The following GRIK3 variants were observed in gnomAD, a reference collection of about 807,000 sequenced individuals.
The protein encoded by GRIK3 is glutamate receptor ionotropic, kainate 3.
In GRIK3, 29 loss-of-function variants were observed where a neutral mutation model predicts 102.5. The observed-to-expected ratio is 0.28, with a 90% CI of 0.21 to 0.39. The LOEUF is 0.39. Ranked by LOEUF, GRIK3 falls within the 10% of genes least tolerant of loss-of-function variation. The pLI, the probability that GRIK3 is intolerant of heterozygous loss-of-function variation, is 1.00. For synonymous variants in GRIK3, 511 were observed against 504.9 expected (o/e 1.01, Z -0.16); for missense variants, 908 against 1,252.4 (o/e 0.73, Z 4.15).
At chr1:36,901,745 G>A (rs1044700518) in intron 1 of GRIK3, among the ~76,000 whole-genome samples, 1 of 152,110 alleles carries the variant, frequency 6.6e-6, no homozygotes, top group Non-Finnish European at 1.5e-5. Context: ...AAAAGGAAAC[G>A]AAAGAAATTC....
chr1:36,954,699 A>T, intron 1 of GRIK3, among the ~76,000 whole-genome samples: 1 of 151,958 alleles, frequency 6.6e-6, no homozygotes, highest in East Asian at 1.9e-4. Flanking sequence ...ATATGCATAC[A>T]CAGGTCCACA....
chr1:37,029,836 G>A (rs1213896249), intron 1 of GRIK3, among the ~76,000 whole-genome samples: 1 of 152,320 alleles, frequency 6.6e-6, no homozygotes. Flanking sequence ...CGGGGATAAA[G>A]AGCCATCCTG....
At chr1:37,020,730 C>A (rs1642701534) in intron 1 of GRIK3, among the ~76,000 whole-genome samples, 2 of 151,848 alleles carry the variant, frequency 1.3e-5, no homozygotes, top group Admixed American at 6.6e-5. Context: ...TTCTTACTAG[C>A]CTACCAGAGT....
Position 36,806,207 on chromosome 1 carries a change from G to A in GRIK3, c.2211C>T (p.Leu737=). 3 of 1,614,126 alleles carry A rather than the reference G, an allele frequency of 1.9e-6. No homozygotes were observed. The highest frequency in any genetic ancestry group is 1.7e-6 in the Non-Finnish European group (2 of 1,179,958). ...CGTACTCGATGGTGGTGGACTCCAT[G>A]AGCAGCGCGTAGTCGGCCGTCAGGG... The part of the protein sequence containing the change: ...QRALTADYAL[L]MESTTIEYVT... Residue 737 remains leucine, a synonymous_variant, in exon 14 of 16, where the codon CTC becomes CTT. Transcript: ENST00000373091. This position sits in a 1 kb window ranked among gnomAD's most constrained non-coding sequence, Gnocchi z 4.0.
rs1641332981 is a variant in GRIK3 at position 36,910,537 on chromosome 1, G to GCACCTCTGTGCCCTCTCTCAGC, written c.116-19463_116-19442dup. ...TGGTGTCTCTGAACCTGCTTCTCAGGCACCTCTGTGCCCTCTCTCAGCAGC... is the reference window on the plus strand; with the variant it reads ...TGGTGTCTCTGAACCTGCTTCTCAGGCACCTCTGTGCCCTCTCTCAGCCACCTCTGTGCCCTCTCTCAGCAGC... On this transcript the variant is annotated intron_variant, in intron 1 of 15. Transcript: ENST00000373091. Among the ~76,000 whole-genome samples, 4 of 150,218 alleles carry GCACCTCTGTGCCCTCTCTCAGC rather than the reference G, an allele frequency of 2.7e-5. No individual in the cohort carries two copies. The South Asian group carries it at 6.5e-4, about 24-fold the overall frequency.
chr1:36,950,577 T>G (rs556319781), intron 1 of GRIK3, among the ~76,000 whole-genome samples: 1 of 152,348 alleles, frequency 6.6e-6, no homozygotes, highest in African/African-American at 2.4e-5. Context: ...TGCTCTGGGC[T>G]TGGCTAAGCC....
chr1:37,019,232 G>A (rs1023670553), intron 1 of GRIK3, among the ~76,000 whole-genome samples: 3 of 152,202 alleles, frequency 2.0e-5, no homozygotes, highest in Non-Finnish European at 4.4e-5. Context: ...ACAGGGAACT[G>A]GCCAAAGTGA....
intron 8 of GRIK3, among the ~76,000 whole-genome samples, chr1:36,852,065 G>A (rs556274984): frequency 3.4e-4 from 52 of 152,340 alleles, no homozygotes; most frequent in Non-Finnish European, 5.7e-4. Context: ...AGCTTAAATA[G>A]AAGCTGGAAG....
intron 1 of GRIK3, among the ~76,000 whole-genome samples, chr1:36,926,171 G>A (rs1641524671): frequency 1.3e-5 from 2 of 152,050 alleles, no homozygotes; most frequent in East Asian, 1.9e-4. Context: ...AGGAAGGCTC[G>A]GCCCTACCCT....
chr1:36,844,024 T>G (rs1640491851), intron 9 of GRIK3, among the ~76,000 whole-genome samples: 1 of 152,250 alleles, frequency 6.6e-6, no homozygotes. Context: ...GAGCAGATGC[T>G]CACCAGTAGC....
At chr1:36,876,515 G>A (rs1640913712) in intron 3 of GRIK3, among the ~76,000 whole-genome samples, 1 of 152,206 alleles carries the variant, frequency 6.6e-6, no homozygotes, top group African/African-American at 2.4e-5. Flanking sequence ...TTGTCAAGCT[G>A]CTAAATCATC....
At position 37,006,706 on chromosome 1, in the gene GRIK3, C is replaced by G. The variant is rs796346902; in HGVS notation, c.115+27288G>C. Among the ~76,000 whole-genome samples, 8 of 152,194 alleles carry G rather than the reference C, an allele frequency of 5.3e-5. No individual in the cohort carries two copies. The South Asian group carries it at 1.5e-3, about 28-fold the overall frequency. Reference sequence around the variant, plus strand: ...CAGGAGCTCTGTTCTGAGTTACCTGCGGGCGCCGCAGAGTGAGGGAGGTGG... The same window carrying G: ...CAGGAGCTCTGTTCTGAGTTACCTGGGGGCGCCGCAGAGTGAGGGAGGTGG... On this transcript the variant is annotated intron_variant, in intron 1 of 15. Coordinates refer to ENST00000373091, the MANE Select transcript of GRIK3 (RefSeq NM_000831.4).
chr1:37,024,445 C>CTATTATTATTAT (rs10630686), intron 1 of GRIK3, among the ~76,000 whole-genome samples: 13,791 of 145,532 alleles, frequency 0.095, 763 homozygotes, highest in South Asian at 0.16. Context: ...GCAGGTACAA[C>CTATTATTATTAT]TATTATTATT....
intron 1 of GRIK3, among the ~76,000 whole-genome samples, chr1:37,012,493 C>T (rs746117083): frequency 1.4e-4 from 22 of 152,172 alleles, no homozygotes; most frequent in Admixed American, 4.6e-4. Flanking sequence ...TTGCAAACCA[C>T]GAGGCCAGGA....
At chr1:37,031,252 G>T (rs750758557) in intron 1 of GRIK3, among the ~76,000 whole-genome samples, 1 of 151,762 alleles carries the variant, frequency 6.6e-6, no homozygotes, top group Non-Finnish European at 1.5e-5. Context: ...ATTTTTTCTC[G>T]CAGACTACAA....
At chr1:36,848,312 C>G (rs780492405) in intron 9 of GRIK3, among the ~76,000 whole-genome samples, 9 of 152,162 alleles carry the variant, frequency 5.9e-5, no homozygotes, top group Non-Finnish European at 8.8e-5. Context: ...CACCTTAGCT[C>G]ATTTAATCAT....
chr1:36,980,187 A>C (rs1642235054), intron 1 of GRIK3, among the ~76,000 whole-genome samples: 1 of 152,136 alleles, frequency 6.6e-6, no homozygotes, highest in African/African-American at 2.4e-5. Flanking sequence ...TAAAAATGCA[A>C]ACCTGATCAG....
chr1:36,925,190 G>A (rs1454936035), intron 1 of GRIK3, among the ~76,000 whole-genome samples: 1 of 152,086 alleles, frequency 6.6e-6, no homozygotes, highest in East Asian at 1.9e-4. Flanking sequence ...TCACAAACAT[G>A]GACATGCTAG....
chr1:36,853,958 G>A (rs1009924580), intron 7 of GRIK3, among the ~76,000 whole-genome samples: 8 of 152,112 alleles, frequency 5.3e-5, no homozygotes, highest in Admixed American at 1.3e-4. Flanking sequence ...GTACAACATC[G>A]ATCTTGGATG....
Sources: gnomAD v4.1 joint callset for allele counts (sites outside exome capture counted in the v4.1 genomes callset) on GRCh38, gnomAD v4.1.1 for gene constraint, Gnocchi (gnomAD v3.1) non-coding constraint, MANE v1.5 for transcripts, NCBI Gene and HGNC (gene_info 2026-07-23, HGNC 2026-07-21) for gene names.